Variants in ZFAND3 observed in about 807,000 individuals in gnomAD.
ZFAND3 encodes the protein zinc finger AN1-type containing 3.
Under a neutral mutation model 29.6 loss-of-function variants are expected in ZFAND3, and 10 were observed. That is an observed-to-expected ratio of 0.34 (90% CI 0.21 to 0.57). The LOEUF (loss-of-function observed/expected upper bound fraction) is 0.57, where lower values mean the gene tolerates loss of function less well. Ranked by LOEUF, ZFAND3 falls within the 20% of genes least tolerant of loss-of-function variation. ZFAND3 has a pLI of 0.86. For synonymous variants in ZFAND3, 128 were observed against 112.6 expected (o/e 1.14, Z -0.87); for missense variants, 230 against 304.5 (o/e 0.76, Z 1.82).
chr6:38,136,555 C>A (rs187076951), intron 5 of ZFAND3, among the ~76,000 whole-genome samples: 1 of 152,258 alleles, frequency 6.6e-6, no homozygotes, highest in East Asian at 1.9e-4. Context: ...TGTTCCATGC[C>A]GATACTAGAT....
At chr6:37,883,809 G>A (rs985997483) in intron 1 of ZFAND3, among the ~76,000 whole-genome samples, 1 of 145,622 alleles carries the variant, frequency 6.9e-6, no homozygotes, top group Admixed American at 6.7e-5. Flanking sequence ...CAAAGTGCTG[G>A]GATTACAGGC....
At chr6:37,878,868 G>A (rs1764840966) in intron 1 of ZFAND3, among the ~76,000 whole-genome samples, 2 of 152,158 alleles carry the variant, frequency 1.3e-5, no homozygotes, top group African/African-American at 2.4e-5. Context: ...CCGTGTTCCT[G>A]GTGAAGTTCT....
chr6:37,940,878 T>C (rs137965432), intron 2 of ZFAND3, among the ~76,000 whole-genome samples: 1 of 152,310 alleles, frequency 6.6e-6, no homozygotes, highest in Non-Finnish European at 1.5e-5. Flanking sequence ...GAAAGACAGA[T>C]ATTTTAGTAG....
intron 2 of ZFAND3, among the ~76,000 whole-genome samples, chr6:37,983,123 C>T (rs2645121): frequency 0.87 from 132,522 of 152,042 alleles, 58,529 homozygotes; most frequent in East Asian, 0.96. Context: ...TTTAAAAATT[C>T]AGAAGTTTTA....
Position 38,061,581 on chromosome 6 carries a change from AT to A in ZFAND3, c.113-7del. On this transcript the variant is annotated splice_polypyrimidine_tract_variant and intron_variant, in intron 2 of 5. Transcript: ENST00000287218. ...AACTCCTTAATTAAGCTCGTTTTCT[AT>A]TTTTCTTCAGATTTTCAAAAGAAAC... The A allele has an allele frequency of 6.2e-7, 1 of 1,613,772 alleles. No individual in the cohort carries two copies. The highest frequency in any genetic ancestry group is 8.5e-7 in the Non-Finnish European group (1 of 1,179,850).
chr6:37,896,672 GTGTGTGTGTC>G (rs948821234), intron 1 of ZFAND3, among the ~76,000 whole-genome samples: 1 of 138,352 alleles, frequency 7.2e-6, no homozygotes, highest in African/African-American at 2.5e-5. Context: ...TGTTTTGTGT[GTGTGTGTGTC>G]TGTGTGTGTG....
At chr6:37,933,870 A>ATC (rs1013519010) in intron 2 of ZFAND3, among the ~76,000 whole-genome samples, 1 of 146,548 alleles carries the variant, frequency 6.8e-6, no homozygotes, top group Non-Finnish European at 1.5e-5. Flanking sequence ...TGTTTAAAGG[A>ATC]TCTCTCTCTC....
At chr6:37,921,317 A>T (rs1581763003) in intron 1 of ZFAND3, among the ~76,000 whole-genome samples, 1 of 152,058 alleles carries the variant, frequency 6.6e-6, no homozygotes, top group Non-Finnish European at 1.5e-5. Context: ...TCTAGTGTAG[A>T]GAAGTTCAGG....
rs1761692831 is a variant in ZFAND3 at position 37,936,075 on chromosome 6, TCA to T, written c.112+6077_112+6078del. Among the ~76,000 whole-genome samples, 3 of 152,286 alleles carry T rather than the reference TCA, an allele frequency of 2.0e-5. No homozygotes were observed. In the South Asian group the frequency reaches 6.2e-4, roughly 32 times the overall value. On this transcript the variant is annotated intron_variant, in intron 2 of 5. Transcript: ENST00000287218. The stretch of plus-strand genomic sequence containing the variant: ...TATTTAGGAATAGTTAGTACCTAAT[TCA>T]TGATGACCTCTTGTTCTAGCATACT...
chr6:38,137,913 G>A (rs1279203374), intron 5 of ZFAND3, among the ~76,000 whole-genome samples: 2 of 152,218 alleles, frequency 1.3e-5, no homozygotes, highest in Non-Finnish European at 2.9e-5. Context: ...GCAGGGATCA[G>A]TCGGGGGCTT....
chr6:37,896,538 C>CTTTCTTTCTT (rs1765212078), intron 1 of ZFAND3, among the ~76,000 whole-genome samples: 1 of 122,268 alleles, frequency 8.2e-6, no homozygotes, highest in South Asian at 2.5e-4. Context: ...TTCTTTCTTT[C>CTTTCTTTCTT]TTTCTTTCTT....
At chr6:37,823,667 AGG>A (rs1182620397) in intron 1 of ZFAND3, among the ~76,000 whole-genome samples, 4 of 152,210 alleles carry the variant, frequency 2.6e-5, no homozygotes, top group African/African-American at 9.6e-5. Flanking sequence ...AATTGTGTAC[AGG>A]TAATTAAGTT....
In ZFAND3 at chr6:38,082,472, C is replaced by A; in HGVS notation, c.361+15C>A. 2 of 1,607,590 alleles carry A rather than the reference C, an allele frequency of 1.2e-6. No homozygotes were observed. The highest frequency in any genetic ancestry group is 2.2e-5 in the South Asian group (2 of 90,368). ...CTGTGGTACAGGTATGTACGTCATTCTTATGTGAATTCATCCTTATTTGAA... is the reference window on the plus strand; with the variant it reads ...CTGTGGTACAGGTATGTACGTCATTATTATGTGAATTCATCCTTATTTGAA... On this transcript the variant is annotated intron_variant, in intron 4 of 5. Transcript: ENST00000287218.
intron 5 of ZFAND3, among the ~76,000 whole-genome samples, chr6:38,120,350 T>TG: frequency 1.5e-5 from 2 of 132,412 alleles, no homozygotes; most frequent in Non-Finnish European, 1.6e-5. Flanking sequence ...TTTTTTTTTT[T>TG]GTGGAGACGG....
chr6:37,965,909 T>C (rs542830495), intron 2 of ZFAND3, among the ~76,000 whole-genome samples: 2 of 152,182 alleles, frequency 1.3e-5, no homozygotes, highest in South Asian at 4.2e-4. Flanking sequence ...ACTATAGGCA[T>C]GTGCTACCAT....
At chr6:38,046,932 C>T (rs1173207222) in intron 2 of ZFAND3, among the ~76,000 whole-genome samples, 1 of 151,908 alleles carries the variant, frequency 6.6e-6, no homozygotes, top group East Asian at 1.9e-4. Context: ...GTTGATACCC[C>T]AGCCCACATT....
chr6:38,014,921 G>A (rs966455318), intron 2 of ZFAND3, among the ~76,000 whole-genome samples: 4 of 152,302 alleles, frequency 2.6e-5, no homozygotes, highest in African/African-American at 9.6e-5. Context: ...TAAAAGTGAT[G>A]CAGGTGCAGT....
chr6:38,036,623 G>T (rs1354603671), intron 2 of ZFAND3, among the ~76,000 whole-genome samples: 1 of 152,002 alleles, frequency 6.6e-6, no homozygotes, highest in Non-Finnish European at 1.5e-5. Context: ...TATAAAAGAG[G>T]TATGATTACA....
intron 1 of ZFAND3, among the ~76,000 whole-genome samples, chr6:37,906,524 A>G (rs1340650549): frequency 3.3e-5 from 5 of 151,824 alleles, no homozygotes; most frequent in African/African-American, 7.3e-5. Context: ...TTGAACACCT[A>G]TTTTCACTTT....
Sources: gnomAD v4.1 joint callset for allele counts (sites outside exome capture counted in the v4.1 genomes callset) on GRCh38, gnomAD v4.1.1 for gene constraint, MANE v1.5 for transcripts, NCBI Gene and HGNC (gene_info 2026-07-23, HGNC 2026-07-21) for gene names.